The following CTIF variants were observed in gnomAD, a reference collection of about 807,000 sequenced individuals.
The protein encoded by CTIF is cap binding complex dependent translation initiation factor.
In CTIF, 21 loss-of-function variants were observed where a neutral mutation model predicts 66.0. That is an observed-to-expected ratio of 0.32 (90% confidence interval 0.23 to 0.46). The LOEUF is 0.46. Ranked by LOEUF, CTIF falls within the 20% of genes least tolerant of loss-of-function variation. The probability of loss-of-function intolerance (pLI) is 1.00; values close to 1 mark genes in which losing one functional copy is unlikely to be tolerated. For synonymous variants in CTIF, 345 were observed against 326.4 expected, an observed-to-expected ratio of 1.06 and a Z score of -0.62; for missense variants, 739 against 812.7, an observed-to-expected ratio of 0.91 and a Z score of 1.10.
intron 7 of CTIF, among the ~76,000 whole-genome samples, chr18:48,720,360 C>T (rs2092322669): frequency 6.6e-6 from 1 of 152,256 alleles, no homozygotes. Flanking sequence ...TGCTGGGATG[C>T]CACTGTTGCT....
chr18:48,724,320 C>T (rs2092366936), intron 7 of CTIF, among the ~76,000 whole-genome samples: 1 of 152,098 alleles, frequency 6.6e-6, no homozygotes, highest in Admixed American at 6.5e-5. Flanking sequence ...GCTCCCTGAC[C>T]CCCTGCTCCT....
intron 1 of CTIF, among the ~76,000 whole-genome samples, chr18:48,596,571 G>A (rs960471710): frequency 2.6e-5 from 4 of 151,438 alleles, no homozygotes; most frequent in East Asian, 1.9e-4. Context: ...TCTGCCTCCC[G>A]GGTTCAAACG....
chr18:48,587,860 T>C (rs1037634660), intron 1 of CTIF, among the ~76,000 whole-genome samples: 1 of 152,202 alleles, frequency 6.6e-6, no homozygotes, highest in African/African-American at 2.4e-5. Context: ...TCTACCTGAT[T>C]TATGCTGTTT....
intron 9 of CTIF, among the ~76,000 whole-genome samples, chr18:48,777,457 C>A (rs977321336): frequency 6.6e-6 from 1 of 152,190 alleles, no homozygotes; most frequent in Non-Finnish European, 1.5e-5. Flanking sequence ...CTAGAACCCA[C>A]AGCAAGGGTC....
chr18:48,728,990 T>C (rs1190151241), intron 7 of CTIF, among the ~76,000 whole-genome samples: 1 of 152,130 alleles, frequency 6.6e-6, no homozygotes, highest in Non-Finnish European at 1.5e-5. Context: ...CTAGTGAAAC[T>C]CACCGGTAGC....
chr18:48,788,075 A>AC (rs536267289), intron 9 of CTIF, among the ~76,000 whole-genome samples: 6 of 151,176 alleles, frequency 4.0e-5, no homozygotes, highest in Admixed American at 2.0e-4. Context: ...TTGAGCTGGG[A>AC]CCCCCCCTTT....
intron 1 of CTIF, among the ~76,000 whole-genome samples, chr18:48,617,179 G>A (rs2090415125): frequency 6.6e-6 from 1 of 152,142 alleles, no homozygotes; most frequent in African/African-American, 2.4e-5. Flanking sequence ...GTTGACCAGG[G>A]ATTGCTCTCA....
At chr18:48,622,715 T>A (rs1185669690) in intron 2 of CTIF, among the ~76,000 whole-genome samples, 1 of 152,106 alleles carries the variant, frequency 6.6e-6, no homozygotes. Context: ...TAAGGGAAAT[T>A]AACCTCTTTA....
rs2068385315 is a variant in CTIF, at chr18:48,817,281, A to G, written c.1432A>G (p.Ile478Val). The change falls in exon 10 of 12, where the codon ATC becomes GTC. Residue 478 changes from isoleucine to valine, a missense_variant. This residue lies in a region of CTIF where 210 missense variants were observed against 292.3 expected (regional missense o/e 0.72). Transcript: ENST00000256413. ...QQDVERWLGF[I>V]TFLCEVFGTM... ...GGACGTGGAGCGCTGGCTGGGCTTC[A>G]TCACCTTCCTGTGCGAGGTCTTCGG... 1.2e-6 allele frequency: 2 copies of G among 1,614,038 alleles called. No homozygotes were observed. The highest frequency in any genetic ancestry group is 1.7e-5 in the Admixed American group (1 of 60,030).
In CTIF at chr18:48,862,973, A is replaced by G. The variant is rs9950937; in HGVS notation, c.*3414A>G. The G allele has an allele frequency of 0.16, 24,459 of 152,278 alleles. 2,806 individuals are homozygous for G. The highest frequency in any genetic ancestry group is 0.31 in the African/African-American group (12,906 of 41,510). The allele number at this position is 152,278 out of a possible 1,614,324, so 9.4% of individuals were successfully genotyped here. ...CTGGGCCTTTGAGGACACAGATCAG[A>G]AGAAAGAAAGACAACTTTCCTCTGC... On this transcript the variant is annotated 3_prime_UTR_variant, in exon 12 of 12. Coordinates refer to ENST00000256413, the MANE Select transcript of CTIF (RefSeq NM_014772.3).
At chr18:48,577,101 G>A (rs181642904) in intron 1 of CTIF, among the ~76,000 whole-genome samples, 140 of 152,340 alleles carry the variant, frequency 9.2e-4, no homozygotes, top group Non-Finnish European at 3.2e-4. Context: ...GGTTGGAGAC[G>A]TGAGGAGAAA....
chr18:48,678,751 C>G (rs2091687486), intron 6 of CTIF, among the ~76,000 whole-genome samples: 1 of 152,060 alleles, frequency 6.6e-6, no homozygotes. Context: ...AGGCAGGGAG[C>G]TGGGACTGTG....
At chr18:48,567,608 A>G (rs1341291460) in intron 1 of CTIF, 1 of 152,242 alleles carries the variant, frequency 6.6e-6, no homozygotes, top group Non-Finnish European at 1.5e-5. Context: ...TATGGAAATA[A>G]CTCAGTAAGA....
intron 1 of CTIF, among the ~76,000 whole-genome samples, chr18:48,598,872 C>T (rs2090036547): frequency 6.6e-6 from 1 of 152,198 alleles, no homozygotes; most frequent in Non-Finnish European, 1.5e-5. Context: ...ACCTCCAACC[C>T]CAGCCTTTTT....
At chr18:48,555,475 A>G (rs1419924456) in intron 1 of CTIF, among the ~76,000 whole-genome samples, 2 of 152,188 alleles carry the variant, frequency 1.3e-5, no homozygotes, top group South Asian at 2.1e-4. Flanking sequence ...CTTTCTGCCC[A>G]AAGTGACTGT....
At chr18:48,592,522 AAAAG>A (rs958153454) in intron 1 of CTIF, among the ~76,000 whole-genome samples, 2 of 151,880 alleles carry the variant, frequency 1.3e-5, no homozygotes, top group Non-Finnish European at 2.9e-5. Context: ...AAGAAAAAGA[AAAAG>A]AAAACAGCTC....
chr18:48,698,213 ATG>A (rs2092035190), intron 6 of CTIF, among the ~76,000 whole-genome samples: 2 of 150,588 alleles, frequency 1.3e-5, no homozygotes, highest in Admixed American at 1.3e-4. Context: ...CAAGGAGAAA[ATG>A]ACAAAATGCT....
chr18:48,628,277 A>T (rs907050925), intron 2 of CTIF, among the ~76,000 whole-genome samples: 5 of 152,146 alleles, frequency 3.3e-5, no homozygotes, highest in Non-Finnish European at 5.9e-5. Context: ...TTCGATGCAC[A>T]TTGGTGGTGT....
At chr18:48,661,485 C>T (rs754438738) in intron 3 of CTIF, among the ~76,000 whole-genome samples, 13 of 151,912 alleles carry the variant, frequency 8.6e-5, no homozygotes, top group Non-Finnish European at 1.5e-4. Flanking sequence ...GTGAACAAGC[C>T]GGTCAACATC....
Sources: gnomAD v4.1 joint callset for allele counts (sites outside exome capture counted in the v4.1 genomes callset) on GRCh38, gnomAD v4.1.1 for gene constraint, gnomAD v4.1.1 regional missense constraint, MANE v1.5 for transcripts, NCBI Gene and HGNC (gene_info 2026-07-23, HGNC 2026-07-21) for gene names.